The following SHROOM3 variants were observed in gnomAD, a reference collection of about 807,000 sequenced individuals.
SHROOM3 encodes the protein protein Shroom3.
A neutral mutation model predicts 138.6 loss-of-function variants in SHROOM3; 47 were observed. The observed-to-expected ratio is 0.34, with a 90% CI of 0.27 to 0.43. SHROOM3 has a LOEUF of 0.43. SHROOM3 is among the 20% of genes least tolerant of loss of function. SHROOM3 has a pLI of 1.00. For missense variants in SHROOM3, 2,491 were observed against 2,596.5 expected, an observed-to-expected ratio of 0.96 and a Z score of 0.88; for synonymous variants, 1,062 against 1,063.3, an observed-to-expected ratio of 1.00 and a Z score of 0.02.
At chr4:76,764,157 A>G (rs994584653) in intron 9 of SHROOM3, among the ~76,000 whole-genome samples, 4 of 152,236 alleles carry the variant, frequency 2.6e-5, no homozygotes, top group African/African-American at 7.2e-5. Context: ...TATATCCTAG[A>G]TGATGAATAA....
At chr4:76,494,028 G>A (rs541102510) in intron 1 of SHROOM3, among the ~76,000 whole-genome samples, 3 of 152,228 alleles carry the variant, frequency 2.0e-5, no homozygotes, top group South Asian at 2.1e-4. Context: ...ATAGGCTGTC[G>A]TTTTGGCATC....
chr4:76,455,081 T>C (rs1731002232), intron 1 of SHROOM3, among the ~76,000 whole-genome samples: 1 of 152,172 alleles, frequency 6.6e-6, no homozygotes, highest in Non-Finnish European at 1.5e-5. Context: ...TATAAAATAA[T>C]GTCAATGGAG....
chr4:76,515,822 C>A (rs963476670), intron 1 of SHROOM3, among the ~76,000 whole-genome samples: 3 of 152,124 alleles, frequency 2.0e-5, no homozygotes, highest in South Asian at 2.1e-4. Flanking sequence ...GGTGGTCTTT[C>A]TTCTAAGCTA....
At chr4:76,520,380 T>G (rs530314540) in intron 1 of SHROOM3, among the ~76,000 whole-genome samples, 15 of 152,092 alleles carry the variant, frequency 9.9e-5, no homozygotes, top group Non-Finnish European at 2.2e-4. Context: ...TAATAACAAT[T>G]AACAATAATT....
intron 3 of SHROOM3, among the ~76,000 whole-genome samples, chr4:76,714,549 C>T (rs1402276889): frequency 1.3e-5 from 2 of 152,046 alleles, no homozygotes; most frequent in Admixed American, 1.3e-4. Context: ...TGGTGAAGTC[C>T]GCCAGGTTTT....
At chr4:76,636,548 A>G (rs1360500830) in intron 2 of SHROOM3, among the ~76,000 whole-genome samples, 1 of 152,242 alleles carries the variant, frequency 6.6e-6, no homozygotes, top group African/African-American at 2.4e-5. Flanking sequence ...GTTTTGTTCA[A>G]CACTGTTTCA....
chr4:76,522,330 T>G (rs1039370396), intron 1 of SHROOM3, among the ~76,000 whole-genome samples: 1 of 150,050 alleles, frequency 6.7e-6, no homozygotes, highest in Non-Finnish European at 1.5e-5. Flanking sequence ...TTTTTTAGTG[T>G]GATAATGATA....
At chr4:76,667,017 G>A (rs969596939) in intron 2 of SHROOM3, among the ~76,000 whole-genome samples, 4 of 152,208 alleles carry the variant, frequency 2.6e-5, no homozygotes, top group Admixed American at 2.6e-4. Context: ...AAGTTACCTA[G>A]AATAGTCAAA....
chr4:76,650,434 G>T, intron 2 of SHROOM3, among the ~76,000 whole-genome samples: 1 of 152,102 alleles, frequency 6.6e-6, no homozygotes, highest in East Asian at 1.9e-4. Flanking sequence ...TCCCACTGCA[G>T]GGTATATACC....
intron 2 of SHROOM3, among the ~76,000 whole-genome samples, chr4:76,606,005 ATATTTTTTTTT>A (rs1335330875): frequency 9.7e-6 from 1 of 102,966 alleles, no homozygotes; most frequent in Admixed American, 1.1e-4. Context: ...ATATATATAT[ATATTTTTTTTT>A]TTTTTTTTTT....
At chr4:76,661,234 C>CTTTTTTTTTTTTTTT (rs912334272) in intron 2 of SHROOM3, among the ~76,000 whole-genome samples, 9 of 146,046 alleles carry the variant, frequency 6.2e-5, no homozygotes, top group African/African-American at 2.3e-4. Context: ...AATCCATTTT[C>CTTTTTTTTTTTTTTT]TTTTTTTTTT....
rs577811046 is a variant in SHROOM3 at position 76,639,853 on chromosome 4, G to A, written c.324-70303G>A. Among the ~76,000 whole-genome samples, 23 of 152,220 alleles carry A rather than the reference G, an allele frequency of 1.5e-4. No homozygotes were observed. In the Middle Eastern group the frequency reaches 0.01, roughly 68 times the overall value. On this transcript the variant is annotated intron_variant, in intron 2 of 10. Transcript: ENST00000296043. Reference sequence around the variant, plus strand: ...CCTTTGGGCTGATTTTAGGTTAGACGACGTTTTCCCTAAAGGAATCTTATT... The same window carrying A: ...CCTTTGGGCTGATTTTAGGTTAGACAACGTTTTCCCTAAAGGAATCTTATT...
intron 3 of SHROOM3, among the ~76,000 whole-genome samples, chr4:76,729,341 AC>A (rs1720806003): frequency 6.6e-6 from 1 of 151,674 alleles, no homozygotes; most frequent in Non-Finnish European, 1.5e-5. Flanking sequence ...ACTTTTCCTG[AC>A]CTATTTGGCA....
intron 2 of SHROOM3, among the ~76,000 whole-genome samples, chr4:76,581,520 A>T (rs1057469848): frequency 6.6e-6 from 1 of 152,192 alleles, no homozygotes; most frequent in African/African-American, 2.4e-5. Context: ...TGATACTAAG[A>T]AGCCTGGAGC....
intron 2 of SHROOM3, among the ~76,000 whole-genome samples, chr4:76,681,472 C>T (rs1719189244): frequency 6.6e-6 from 1 of 151,728 alleles, no homozygotes; most frequent in South Asian, 2.1e-4. Context: ...AAAAAACTGA[C>T]CATAATTTCT....
rs150691195 is a variant in SHROOM3 at position 76,497,606 on chromosome 4, C to T, written c.169-58003C>T. Reference sequence around the variant, plus strand: ...GGTGCAGTGGCTCATGCCTGTAATCCCAGCACTTTGGGAGGCTGAGGTGGG... The same window carrying T: ...GGTGCAGTGGCTCATGCCTGTAATCTCAGCACTTTGGGAGGCTGAGGTGGG... On this transcript the variant is annotated intron_variant, in intron 1 of 10. Coordinates refer to ENST00000296043, the MANE Select transcript of SHROOM3 (RefSeq NM_020859.4). 5.7e-3 allele frequency among the ~76,000 whole-genome samples: 865 copies of T among 152,192 alleles called. 9 individuals carry two copies. Among genetic ancestry groups the T allele is most frequent in the African/African-American group, 0.02 (826 of 41,520 alleles).
At chr4:76,581,416 T>C (rs1577899267) in intron 2 of SHROOM3, among the ~76,000 whole-genome samples, 1 of 152,226 alleles carries the variant, frequency 6.6e-6, no homozygotes, top group African/African-American at 2.4e-5. Flanking sequence ...TTGTGTGCCT[T>C]TCGATTGCTG....
chr4:76,676,892 G>C (rs1221346507), intron 2 of SHROOM3, among the ~76,000 whole-genome samples: 2 of 142,540 alleles, frequency 1.4e-5, no homozygotes, highest in Non-Finnish European at 3.0e-5. Context: ...GCAGTGAGCA[G>C]AGATGGCGCC....
chr4:76,609,733 C>G (rs1267650829), intron 2 of SHROOM3, among the ~76,000 whole-genome samples: 1 of 152,212 alleles, frequency 6.6e-6, no homozygotes, highest in Non-Finnish European at 1.5e-5. Context: ...GCAATTAAGT[C>G]TTTTGTGCCC....
Sources: gnomAD v4.1 joint callset for allele counts (sites outside exome capture counted in the v4.1 genomes callset) on GRCh38, gnomAD v4.1.1 for gene constraint, MANE v1.5 for transcripts, NCBI Gene and HGNC (gene_info 2026-07-23, HGNC 2026-07-21) for gene names.